The following TAF1 variants were observed in gnomAD, a reference collection of about 807,000 sequenced individuals.
TAF1 encodes the protein TATA-box binding protein associated factor 1.
A neutral mutation model predicts 138.5 loss-of-function variants in TAF1; 2 were observed. The ratio of observed to expected loss-of-function variants is 0.01; its 90% CI spans 0.01 to 0.05. The LOEUF is 0.05. Among genes scored for constraint, TAF1 ranks in the 10% least tolerant of loss-of-function variants. The pLI, the probability that TAF1 is intolerant of heterozygous loss-of-function variation, is 1.00. For missense variants in TAF1, 709 were observed against 1,478.0 expected (o/e 0.48, Z 8.53); for synonymous variants, 437 against 503.2 (o/e 0.87, Z 1.76).
chrX:71,430,697 G>A (rs976343963), intron 32 of TAF1, among the ~76,000 whole-genome samples: 1 of 111,789 alleles, frequency 8.9e-6, no homozygotes, highest in African/African-American at 3.3e-5. Flanking sequence ...AATTACCAAA[G>A]GGAGAAATGG....
At chrX:71,425,610 A>T (rs1233202723) in intron 32 of TAF1, among the ~76,000 whole-genome samples, 1 of 111,590 alleles carries the variant, frequency 9.0e-6, no homozygotes, top group Non-Finnish European at 1.9e-5. Flanking sequence ...ACGCCCCTGC[A>T]CTACATCCTG....
chrX:71,424,504 C>T (rs1434218928), intron 32 of TAF1, among the ~76,000 whole-genome samples: 2 of 105,259 alleles, frequency 1.9e-5, no homozygotes, highest in Non-Finnish European at 3.9e-5. Flanking sequence ...ACCTCGGCTT[C>T]CCAAAATGCT....
At position 71,464,032 on chromosome X, in the gene TAF1, G is replaced by A; in HGVS notation, c.5608G>A (p.Asp1870Asn). 8.4e-7 allele frequency: 1 copy of A among 1,190,313 alleles called. No individual in the cohort carries two copies. Among genetic ancestry groups the A allele is most frequent in the East Asian group, 3.1e-5 (1 of 32,651 alleles). The change falls in exon 38 of 38, where the codon GAC becomes AAC. Residue 1870 changes from aspartate to asparagine, a missense_variant. By Grantham distance (23) the Asp-to-Asn change is conservative (BLOSUM62 1). This residue lies in a region of TAF1 where 123 missense variants were observed against 174.7 expected (regional missense o/e 0.70). Transcript: ENST00000423759. Reference protein sequence around the residue: ...FHSIAGDSDLDSDE With the variant: ...FHSIAGDSDLNSDE ...CTCCATTGCTGGGGACAGTGACTTG[G>A]ACTCTGATGAATGAGGCTTCCTTTG...
chrX:71,462,413 TA>T (rs2038588206), intron 37 of TAF1, among the ~76,000 whole-genome samples: 1 of 110,187 alleles, frequency 9.1e-6, no homozygotes, highest in Admixed American at 9.7e-5. Flanking sequence ...CTGTCTCTAC[TA>T]AAAATACAAA....
In TAF1 at chrX:71,458,380, T is replaced by C; in HGVS notation, c.5064+14T>C. 8.3e-7 allele frequency: 1 copy of C among 1,208,458 alleles called. No individual in the cohort carries two copies. On this transcript the variant is annotated intron_variant, in intron 35 of 37. Coordinates refer to ENST00000423759, the MANE Select transcript of TAF1 (RefSeq NM_004606.5). Reference sequence around the variant, plus strand: ...CAGGTAACACAGGTAGGATGTTCTTTTTCTCTTTATAAGATTGTTATTGTG... The same window carrying C: ...CAGGTAACACAGGTAGGATGTTCTTCTTCTCTTTATAAGATTGTTATTGTG...
At chrX:71,438,858 G>A (rs1052148815) in intron 32 of TAF1, among the ~76,000 whole-genome samples, 3 of 111,801 alleles carry the variant, frequency 2.7e-5, no homozygotes, top group African/African-American at 6.5e-5. Context: ...TGCACTCAGC[G>A]TTCTTGGGAG....
Position 71,472,937 on chromosome X carries a change from A to G in TAF1, c.1366+12134A>G, listed in dbSNP as rs955679387. Among the ~76,000 whole-genome samples the G allele has an allele frequency of 2.7e-5, 3 of 111,845 alleles. No individual in the cohort carries two copies. The Admixed American group carries it at 2.9e-4, about 11-fold the overall frequency. ...GTCATATTGCTTTTCAAAAGTTTGT[A>G]TTTGTTTATCTTGCCAGAAGTCCTA... On this transcript the variant is annotated intron_variant and NMD_transcript_variant, in intron 13 of 14. Transcript: ENST00000373775.
chrX:71,528,557 C>T (rs748126207), exon 14 of TAF1: 30 of 328,597 alleles, frequency 9.1e-5, no homozygotes, highest in South Asian at 7.3e-4. Context: ...AATGAACAAG[C>T]CATTCAGAGA....
intron 34 of TAF1, among the ~76,000 whole-genome samples, chrX:71,456,740 A>G (rs933128854): frequency 3.4e-5 from 3 of 89,113 alleles, no homozygotes; most frequent in African/African-American, 1.4e-4. Flanking sequence ...CAATGGCGCA[A>G]TCTCGGCTCA....
At chrX:71,421,568 C>T (rs1048683163) in intron 29 of TAF1, among the ~76,000 whole-genome samples, 192 bp downstream of exon 29, 4 of 111,325 alleles carry the variant, frequency 3.6e-5, no homozygotes, top group Non-Finnish European at 5.7e-5. Context: ...AAACTGGGCC[C>T]GTAGAAGAAA....
intron 35 of TAF1, chrX:71,459,106 C>T: frequency 1.0e-6 from 1 of 975,168 alleles, no homozygotes; most frequent in Non-Finnish European, 1.4e-6. Flanking sequence ...ACTCCTCCTA[C>T]AGGCACGTCC....
At chrX:71,388,159 C>T (rs1009151358) in intron 15 of TAF1, 78 bp from the exon 16 acceptor site, 11 of 1,149,770 alleles carry the variant, frequency 9.6e-6, no homozygotes, top group African/African-American at 3.6e-5. Context: ...TACATTAGAG[C>T]TTAGCAAAGG....
chrX:71,438,343 T>TGTCATATAAGTAA (rs2037248452), intron 32 of TAF1, among the ~76,000 whole-genome samples: 1 of 111,961 alleles, frequency 8.9e-6, no homozygotes, highest in Non-Finnish European at 1.9e-5. Context: ...ATTCTAGGTA[T>TGTCATATAAGTAA]GTCATATAAG....
At chrX:71,481,186 G>A (rs2039063870) in intron 13 of TAF1, among the ~76,000 whole-genome samples, 1 of 111,896 alleles carries the variant, frequency 8.9e-6, no homozygotes, top group Non-Finnish European at 1.9e-5. Context: ...GGCTGAGGCA[G>A]GAGAATCACT....
At chrX:71,384,865 G>A in intron 13 of TAF1, 80 bp from the exon 14 acceptor site, 1 of 738,654 alleles carries the variant, frequency 1.4e-6, no homozygotes, top group Non-Finnish European at 2.0e-6. Context: ...TACTCAACCT[G>A]TATTAGTAAA....
At position 71,366,499 on chromosome X, in the gene TAF1, G is replaced by T. The variant is rs2032487783; in HGVS notation, c.120+5G>T. On this transcript the variant is annotated splice_donor_5th_base_variant and intron_variant, in intron 1 of 37. Transcript: ENST00000423759. The stretch of plus-strand genomic sequence containing the variant: ...GGGGAAAGCGTCTTGGATGATGTGA[G>T]GGGGTGGGCGTGGGGGTAGGGCTCG... The T allele has an allele frequency of 8.8e-7, 1 of 1,140,185 alleles. No individual in the cohort carries two copies. The highest frequency in any genetic ancestry group is 1.2e-6 in the Non-Finnish European group (1 of 855,690). 94.0% of individuals were successfully genotyped at this position (1,140,185 alleles called of 1,213,427 possible).
At chrX:71,367,734 G>C (rs746025932) in intron 2 of TAF1, 121 bp downstream of exon 2, 33 of 823,618 alleles carry the variant, frequency 4.0e-5, no homozygotes, top group Non-Finnish European at 5.5e-5. Context: ...GCAGTGGGGC[G>C]ATCTGGGCTG....
intron 14 of TAF1, among the ~76,000 whole-genome samples, chrX:71,386,462 G>A (rs2034236186): frequency 8.9e-6 from 1 of 111,760 alleles, no homozygotes; most frequent in African/African-American, 3.2e-5. Flanking sequence ...CTCATTGGTT[G>A]TTTTATGATT....
chrX:71,474,716 G>A (rs1380323455), intron 13 of TAF1, among the ~76,000 whole-genome samples: 1 of 111,910 alleles, frequency 8.9e-6, no homozygotes, highest in Non-Finnish European at 1.9e-5. Context: ...GTAAAAGAAG[G>A]TGATGCATTG....
Sources: gnomAD v4.1 joint callset for allele counts (sites outside exome capture counted in the v4.1 genomes callset) on GRCh38, gnomAD v4.1.1 for gene constraint, gnomAD v4.1.1 regional missense constraint, MANE v1.5 for transcripts, NCBI Gene and HGNC (gene_info 2026-07-23, HGNC 2026-07-21) for gene names.